The following PIK3C3 variants were observed in gnomAD, a reference collection of about 807,000 sequenced individuals.
PIK3C3 encodes the protein PI3-kinase type 3.
A neutral mutation model predicts 126.1 loss-of-function variants in PIK3C3; 95 were observed. That is an observed-to-expected ratio of 0.75 (90% CI 0.64 to 0.89). The LOEUF is 0.89. Ranked by LOEUF, PIK3C3 falls within the 40% of genes least tolerant of loss-of-function variation. The pLI, the probability that PIK3C3 is intolerant of heterozygous loss-of-function variation, is 0.00. For synonymous variants in PIK3C3, 374 were observed against 360.0 expected (o/e 1.04, Z -0.44); for missense variants, 829 against 1,063.2 (o/e 0.78, Z 3.06).
chr18:42,043,680 C>T (rs1984428888), intron 19 of PIK3C3, 53 bp from the exon 20 acceptor site: 1 of 1,160,318 alleles, frequency 8.6e-7, no homozygotes, highest in Non-Finnish European at 1.3e-6. Context: ...TTCAAAACAC[C>T]TAGTTTGTTT....
chr18:41,976,631 G>A lies in PIK3C3; in HGVS notation c.531+6175G>A, dbSNP rs571182604. ...CATGAAATCCTCTTCTGTAAAGTAG[G>A]AATAGTAGTTATATCTGTTTTTGGA... On this transcript the variant is annotated intron_variant, in intron 4 of 24. Coordinates refer to ENST00000262039, the MANE Select transcript of PIK3C3 (RefSeq NM_002647.4). Among the ~76,000 whole-genome samples, 60 of 152,240 alleles carry A rather than the reference G, an allele frequency of 3.9e-4. No individual in the cohort carries two copies. The South Asian group carries it at 4.4e-3, about 11-fold the overall frequency.
chr18:42,022,936 C>T lies in PIK3C3; in HGVS notation c.1484+2231C>T, dbSNP rs140950455. Reference sequence around the variant, plus strand: ...AATATTTAAGGATATGTCTTGTCGCCGGTCTTATGGAAAAATATTTCCTCA... The same window carrying T: ...AATATTTAAGGATATGTCTTGTCGCTGGTCTTATGGAAAAATATTTCCTCA... On this transcript the variant is annotated intron_variant, in intron 13 of 24. Coordinates refer to ENST00000262039, the MANE Select transcript of PIK3C3 (RefSeq NM_002647.4). Among the ~76,000 whole-genome samples, 339 of 151,790 alleles carry T rather than the reference C, an allele frequency of 2.2e-3. 1 individual carries two copies. The highest frequency in any genetic ancestry group is 7.6e-3 in the African/African-American group (314 of 41,388).
intron 23 of PIK3C3, among the ~76,000 whole-genome samples, chr18:42,065,199 CTCT>C (rs1460407841): frequency 2.6e-5 from 4 of 152,170 alleles, no homozygotes; most frequent in Non-Finnish European, 5.9e-5. Context: ...TCTATTATCT[CTCT>C]TTTTTTTAAT....
chr18:42,054,089 C>A (rs1314098493), intron 21 of PIK3C3, among the ~76,000 whole-genome samples: 1 of 110,934 alleles, frequency 9.0e-6, no homozygotes, highest in African/African-American at 3.6e-5. Context: ...AATATAGCTC[C>A]TGTAATACAG....
In PIK3C3 at chr18:41,985,282, T is replaced by C. The variant is rs76113292; in HGVS notation, c.532-2530T>C. Among the ~76,000 whole-genome samples, 29 of 152,158 alleles carry C rather than the reference T, an allele frequency of 1.9e-4. No homozygotes were observed. In the East Asian group the frequency reaches 5.2e-3, roughly 27 times the overall value. Reference sequence around the variant, plus strand: ...ATGAATGTCGTTTTAGGCCACTAAGTTTTAGGGTGGTTCGTTATGTAGTAA... The same window carrying C: ...ATGAATGTCGTTTTAGGCCACTAAGCTTTAGGGTGGTTCGTTATGTAGTAA... On this transcript the variant is annotated intron_variant, in intron 4 of 24. Coordinates refer to ENST00000262039, the MANE Select transcript of PIK3C3 (RefSeq NM_002647.4).
At chr18:42,072,859 C>T (rs115725600) in intron 24 of PIK3C3, among the ~76,000 whole-genome samples, 1,569 of 152,076 alleles carry the variant, frequency 0.01, 18 homozygotes, top group African/African-American at 0.034. Context: ...ACAGTGCTTT[C>T]GAGGGTTGTA....
At position 41,969,176 on chromosome 18, in the gene PIK3C3, T is replaced by C. The variant is rs1980525932; in HGVS notation, c.402-1151T>C. Among the ~76,000 whole-genome samples the C allele has an allele frequency of 3.3e-5, 5 of 151,518 alleles. 1 individual carries two copies. The Middle Eastern group carries it at 0.01, about 309-fold the overall frequency. ...TGAAAATGTATGAAATGCTTTAGAT[T>C]TGCCTGTCCATCTACACACACTTCT... On this transcript the variant is annotated intron_variant, in intron 3 of 24. Transcript: ENST00000262039.
At chr18:41,970,811 T>G in intron 4 of PIK3C3, 1 of 372,770 alleles carries the variant, frequency 2.7e-6, no homozygotes, top group South Asian at 4.5e-5. Flanking sequence ...TTGCCTGTTC[T>G]GGAAATTTCA....
chr18:42,037,587 T>C (rs969299477), intron 16 of PIK3C3, 105 bp from the exon 17 acceptor site: 1 of 1,023,006 alleles, frequency 9.8e-7, no homozygotes, highest in African/African-American at 1.6e-5. Context: ...TTAGGTCCTA[T>C]TTACCTGTGT....
intron 20 of PIK3C3, among the ~76,000 whole-genome samples, chr18:42,046,959 C>T (rs1034195569): frequency 3.3e-5 from 5 of 152,114 alleles, no homozygotes; most frequent in Non-Finnish European, 7.4e-5. Flanking sequence ...AAGACCCTTA[C>T]TTATTTTTGC....
At chr18:41,980,350 C>T (rs910215229) in intron 4 of PIK3C3, among the ~76,000 whole-genome samples, 8 of 152,088 alleles carry the variant, frequency 5.3e-5, no homozygotes, top group Non-Finnish European at 7.4e-5. Context: ...TGATAATCTT[C>T]GGTTTTCTAT....
chr18:41,993,299 A>G lies in PIK3C3; in HGVS notation c.744A>G (p.Thr248=). 6.2e-7 allele frequency: 1 copy of G among 1,610,298 alleles called. No individual in the cohort carries two copies. Among genetic ancestry groups the G allele is most frequent in the Non-Finnish European group, 8.5e-7 (1 of 1,177,422 alleles). The change falls in exon 7 of 25, where the codon ACA becomes ACG. Residue 248 remains threonine, a synonymous_variant. Transcript: ENST00000262039. ...KDGDESSPIL[T]SFELVKVPDP... ...GTGATGAATCATCTCCAATTTTAAC[A>G]AGTTTTGAATTAGTGAAAGTTCCTG...
intron 5 of PIK3C3, among the ~76,000 whole-genome samples, chr18:41,988,915 A>C (rs1314009758): frequency 6.6e-6 from 1 of 152,164 alleles, no homozygotes; most frequent in African/African-American, 2.4e-5. Context: ...CACTGGGTAT[A>C]GAAAACGTAA....
Position 42,064,725 on chromosome 18 carries a change from T to C in PIK3C3, c.2433-15T>C. On this transcript the variant is annotated splice_polypyrimidine_tract_variant and intron_variant, in intron 22 of 24. Coordinates refer to ENST00000262039, the MANE Select transcript of PIK3C3 (RefSeq NM_002647.4). ...CTTAATCGTTGCTATTTTTTTCTTT[T>C]CTGCTCTTCTTTAGGTATTCTAATC... 7.4e-7 allele frequency: 1 copy of C among 1,353,060 alleles called. No individual in the cohort carries two copies. The highest frequency in any genetic ancestry group is 1.1e-6 in the Non-Finnish European group (1 of 948,416). 83.8% of individuals were successfully genotyped at this position (1,353,060 alleles called of 1,614,324 possible).
chr18:41,965,149 A>G (rs1280837242), intron 3 of PIK3C3, among the ~76,000 whole-genome samples: 1 of 152,248 alleles, frequency 6.6e-6, no homozygotes, highest in Non-Finnish European at 1.5e-5. Context: ...AGAAAAATGT[A>G]CAGCTCTTCT....
chr18:41,993,598 A>C (rs1038940837), intron 7 of PIK3C3, among the ~76,000 whole-genome samples: 2 of 151,958 alleles, frequency 1.3e-5, no homozygotes, highest in African/African-American at 4.8e-5. Context: ...GCTAGGCAGT[A>C]TACTCTTTTT....
chr18:42,017,972 T>G (rs1003706659), intron 12 of PIK3C3, among the ~76,000 whole-genome samples: 1 of 145,856 alleles, frequency 6.9e-6, no homozygotes, highest in Non-Finnish European at 1.5e-5. Flanking sequence ...TATTTAGTAC[T>G]TTCTATACTT....
At chr18:41,972,487 G>A (rs1182620082) in intron 4 of PIK3C3, among the ~76,000 whole-genome samples, 1 of 152,042 alleles carries the variant, frequency 6.6e-6, no homozygotes, top group Non-Finnish European at 1.5e-5. Context: ...TTTAAAATGG[G>A]AATAAAAATT....
chr18:42,079,584 A>AC (rs897527823), intron 24 of PIK3C3, among the ~76,000 whole-genome samples: 67 of 152,120 alleles, frequency 4.4e-4, no homozygotes, highest in African/African-American at 1.3e-3. Context: ...TTTGTTAAAA[A>AC]AAAACAAAAC....
Sources: allele counts gnomAD v4.1 joint callset (sites outside exome capture counted in the v4.1 genomes callset), GRCh38; gene constraint gnomAD v4.1.1; transcripts MANE v1.5; gene names NCBI Gene and HGNC (gene_info 2026-07-23, HGNC 2026-07-21).